Variants in ZBTB20 observed in about 807,000 individuals in gnomAD.
ZBTB20 encodes zinc finger and BTB domain-containing protein 20.
In ZBTB20, 9 loss-of-function variants were observed where a neutral mutation model predicts 56.9. That is an observed-to-expected ratio of 0.16 (90% CI 0.10 to 0.28). The LOEUF is 0.28. Ranked by LOEUF, ZBTB20 falls within the 10% of genes least tolerant of loss-of-function variation. The pLI is 1.00. For missense variants in ZBTB20, 655 were observed against 1,003.0 expected (o/e 0.65, Z 4.69); for synonymous variants, 417 against 420.7 (o/e 0.99, Z 0.11).
At chr3:114,804,488 G>A (rs572989901) in intron 4 of ZBTB20, among the ~76,000 whole-genome samples, 1 of 152,050 alleles carries the variant, frequency 6.6e-6, no homozygotes, top group South Asian at 2.1e-4. Context: ...TTGCTTTTGA[G>A]AGTTCACTCA....
chr3:114,810,519 T>G (rs1442352277), intron 4 of ZBTB20, among the ~76,000 whole-genome samples: 3 of 152,190 alleles, frequency 2.0e-5, no homozygotes, highest in Non-Finnish European at 4.4e-5. Context: ...CTGGCAGAAC[T>G]ACTGATACAA....
At chr3:114,892,342 A>G (rs1267096485) in intron 4 of ZBTB20, among the ~76,000 whole-genome samples, 31 of 152,322 alleles carry the variant, frequency 2.0e-4, no homozygotes, top group East Asian at 1.9e-4. Flanking sequence ...AATTTGGTGC[A>G]TTCATTTAAA....
At chr3:114,997,927 G>A (rs545433981) in intron 2 of ZBTB20, among the ~76,000 whole-genome samples, 2 of 151,558 alleles carry the variant, frequency 1.3e-5, no homozygotes, top group South Asian at 4.2e-4. Flanking sequence ...AGGTAGAAAG[G>A]GTAAATAATT....
chr3:114,502,258 A>G (rs1364128961), intron 6 of ZBTB20, among the ~76,000 whole-genome samples: 1 of 152,226 alleles, frequency 6.6e-6, no homozygotes, highest in Non-Finnish European at 1.5e-5. Flanking sequence ...ATCAAGTAGA[A>G]GGACCTGATT....
chr3:114,521,551 C>A (rs1052330997), intron 6 of ZBTB20, among the ~76,000 whole-genome samples: 1 of 152,156 alleles, frequency 6.6e-6, no homozygotes, highest in Admixed American at 6.6e-5. Context: ...CCTCTCTCAT[C>A]CCCATTGCAC....
At chr3:114,507,951 T>C (rs1368192815) in intron 6 of ZBTB20, among the ~76,000 whole-genome samples, 2 of 152,150 alleles carry the variant, frequency 1.3e-5, no homozygotes, top group Non-Finnish European at 2.9e-5. Context: ...TTGGGAAAAA[T>C]GTACTTGAAT....
chr3:114,997,354 G>A (rs1322905394), intron 2 of ZBTB20, among the ~76,000 whole-genome samples: 1 of 151,752 alleles, frequency 6.6e-6, no homozygotes, highest in African/African-American at 2.4e-5. Flanking sequence ...TTGCGAATAT[G>A]CTAAACTCTA....
chr3:114,704,189 G>A (rs1196802948), intron 5 of ZBTB20, among the ~76,000 whole-genome samples: 1 of 152,062 alleles, frequency 6.6e-6, no homozygotes, highest in African/African-American at 2.4e-5. Context: ...TAATTTCAAT[G>A]TCAGTTACTG....
chr3:115,101,760 C>T lies in ZBTB20; in HGVS notation c.-702-30346G>A, dbSNP rs191233578. On this transcript the variant is annotated intron_variant, in intron 1 of 11. Transcript: ENST00000675478. ...AACCCTGCGTTTGGGCAACAATAAT[C>T]CTAAGTATATGAATTGTAAAAATCA... Among the ~76,000 whole-genome samples the T allele has an allele frequency of 1.6e-4, 25 of 152,170 alleles. 1 individual carries two copies. Among genetic ancestry groups the T allele is most frequent in the Non-Finnish European group, 2.9e-5 (2 of 68,000 alleles).
chr3:114,504,485 T>C (rs1448569153), intron 6 of ZBTB20, among the ~76,000 whole-genome samples: 2 of 152,204 alleles, frequency 1.3e-5, no homozygotes, highest in African/African-American at 2.4e-5. Context: ...TTTAAAGTCT[T>C]ATTTGCACAC....
chr3:114,789,554 G>A (rs149872260), intron 5 of ZBTB20, among the ~76,000 whole-genome samples: 4 of 152,272 alleles, frequency 2.6e-5, no homozygotes, highest in Admixed American at 2.6e-4. Flanking sequence ...AGTTGGGGGA[G>A]CTAAGAGTAA....
intron 7 of ZBTB20, among the ~76,000 whole-genome samples, chr3:114,467,734 A>T (rs767907701): frequency 5.9e-5 from 9 of 152,238 alleles, no homozygotes; most frequent in Non-Finnish European, 1.0e-4. Flanking sequence ...AGTAGTTAGC[A>T]AGATCCAAAC....
intron 6 of ZBTB20, among the ~76,000 whole-genome samples, chr3:114,616,111 A>G (rs978503895): frequency 5.9e-5 from 9 of 152,228 alleles, no homozygotes; most frequent in African/African-American, 2.2e-4. Context: ...TGTTTCAGTG[A>G]ACACAGACGC....
chr3:114,927,910 T>C (rs1174173782), intron 3 of ZBTB20, among the ~76,000 whole-genome samples: 2 of 152,352 alleles, frequency 1.3e-5, no homozygotes, highest in East Asian at 3.9e-4. Flanking sequence ...AAAATTATCA[T>C]TTTAAATAAT....
intron 4 of ZBTB20, among the ~76,000 whole-genome samples, chr3:114,880,775 G>A (rs1341469174): frequency 6.6e-6 from 1 of 152,030 alleles, no homozygotes; most frequent in African/African-American, 2.4e-5. Flanking sequence ...AATATTGACA[G>A]AAACAAATAT....
chr3:114,676,093 C>T (rs1482177399), intron 6 of ZBTB20, among the ~76,000 whole-genome samples: 1 of 152,126 alleles, frequency 6.6e-6, no homozygotes, highest in Non-Finnish European at 1.5e-5. Flanking sequence ...CCTAGGAAGC[C>T]AGACTCTGTT....
At chr3:115,085,465 G>C (rs999271474) in intron 1 of ZBTB20, among the ~76,000 whole-genome samples, 2 of 151,874 alleles carry the variant, frequency 1.3e-5, no homozygotes, top group African/African-American at 4.8e-5. Flanking sequence ...TAAAGGAAAG[G>C]CCTCTTTTAA....
intron 4 of ZBTB20, among the ~76,000 whole-genome samples, chr3:114,802,516 T>C (rs574729845): frequency 6.6e-6 from 1 of 151,798 alleles, no homozygotes; most frequent in South Asian, 2.1e-4. Context: ...ACTAAACTTT[T>C]CCCCCTCCTC....
At chr3:114,550,961 GGCTT>G (rs1559948004) in intron 6 of ZBTB20, among the ~76,000 whole-genome samples, 1 of 152,106 alleles carries the variant, frequency 6.6e-6, no homozygotes, top group Admixed American at 6.5e-5. Context: ...ATGTTGGCCA[GGCTT>G]GTGTTGAACT....
Sources: gnomAD v4.1 joint callset for allele counts (sites outside exome capture counted in the v4.1 genomes callset) on GRCh38, gnomAD v4.1.1 for gene constraint, MANE v1.5 for transcripts, NCBI Gene and HGNC (gene_info 2026-07-23, HGNC 2026-07-21) for gene names.